The following PACRG variants were observed in gnomAD, a reference collection of about 807,000 sequenced individuals.
The protein encoded by PACRG is parkin coregulated gene protein.
Under a neutral mutation model 29.7 loss-of-function variants are expected in PACRG, and 29 were observed. That is an observed-to-expected ratio of 0.98 (90% CI 0.73 to 1.33). PACRG has a LOEUF of 1.33. Ranked by LOEUF, PACRG falls within the 40% of genes most tolerant of loss-of-function variation. The pLI is 0.00. For synonymous variants in PACRG, 116 were observed against 118.7 expected (o/e 0.98, Z 0.15); for missense variants, 279 against 316.2 (o/e 0.88, Z 0.89).
intron 4 of PACRG, among the ~76,000 whole-genome samples, chr6:163,111,782 A>G (rs928692516): frequency 1.3e-5 from 2 of 152,156 alleles, no homozygotes; most frequent in Non-Finnish European, 2.9e-5. Flanking sequence ...TTTTTATTCT[A>G]AGTATATTAA....
chr6:163,170,987 TCAAA>T (rs1217999544), intron 4 of PACRG: 28 of 152,336 alleles, frequency 1.8e-4, no homozygotes, highest in African/African-American at 6.7e-4. Context: ...AGCAAAACTC[TCAAA>T]CAGTTAGACT....
At chr6:162,972,355 A>G (rs939098059) in intron 2 of PACRG, among the ~76,000 whole-genome samples, 6 of 152,070 alleles carry the variant, frequency 3.9e-5, no homozygotes, top group Non-Finnish European at 5.9e-5. Flanking sequence ...AAGATTGCCT[A>G]CTTCAGTCAT....
At position 162,981,874 on chromosome 6, in the gene PACRG, G is replaced by A. The variant is rs140693969; in HGVS notation, c.292-80276G>A. Among the ~76,000 whole-genome samples, 357 of 147,766 alleles carry A rather than the reference G, an allele frequency of 2.4e-3. 2 individuals are homozygous for A. Among genetic ancestry groups the A allele is most frequent in the African/African-American group, 7.5e-3 (304 of 40,370 alleles). On this transcript the variant is annotated intron_variant, in intron 2 of 4. Transcript: ENST00000366888. ...GTAAGATTGGTACCAATTCTTTTTT[G>A]AATGTCAGCTGTGAATCCATCTGGT...
intron 2 of PACRG, among the ~76,000 whole-genome samples, chr6:162,856,317 C>T (rs1791391810): frequency 6.6e-6 from 1 of 152,154 alleles, no homozygotes; most frequent in Non-Finnish European, 1.5e-5. Flanking sequence ...CTTCGGCCTC[C>T]CAAAGTGCTG....
chr6:162,945,658 A>G (rs1362524369), intron 2 of PACRG, among the ~76,000 whole-genome samples: 1 of 152,164 alleles, frequency 6.6e-6, no homozygotes, highest in Non-Finnish European at 1.5e-5. Context: ...GACCTTTGGT[A>G]TTTATAGAAT....
chr6:162,975,908 A>G (rs1014625025), intron 2 of PACRG, among the ~76,000 whole-genome samples: 1 of 152,020 alleles, frequency 6.6e-6, no homozygotes, highest in African/African-American at 2.4e-5. Flanking sequence ...TGTAAATACA[A>G]AGATGAAAAG....
chr6:163,302,234 T>A (rs2128190369), intron 4 of PACRG, among the ~76,000 whole-genome samples: 1 of 150,124 alleles, frequency 6.7e-6, no homozygotes, highest in South Asian at 2.1e-4. Flanking sequence ...TCTCTCTCTC[T>A]CTTTTTTTTG....
rs942319597 is a variant in PACRG at position 162,814,057 on chromosome 6, C to T, written c.157-90C>T. ...TTATCTTCCAACATATTTATACAAA[C>T]TGAAATCTTTAAAAACAGAAAGTTC... On this transcript the variant is annotated intron_variant, in intron 1 of 4. Coordinates refer to ENST00000366888, the MANE Select transcript of PACRG (RefSeq NM_001080379.2). 442 of 1,355,628 alleles carry T rather than the reference C, an allele frequency of 3.3e-4. 1 individual carries two copies. The highest frequency in any genetic ancestry group is 6.3e-5 in the Non-Finnish European group (63 of 1,007,878). 84.0% of individuals were successfully genotyped at this position (1,355,628 alleles called of 1,614,324 possible). A position where few individuals can be genotyped will look rare whatever the true frequency, so the allele number is the denominator to read the frequency against.
rs746859009 is a variant in PACRG, at chr6:163,193,890, C to CTTTTTTTTTT, written c.613+104490_613+104499dup. Among the ~76,000 whole-genome samples the CTTTTTTTTTT allele has an allele frequency of 1.8e-4, 20 of 111,454 alleles. 1 individual carries two copies. The highest frequency in any genetic ancestry group is 6.8e-4 in the South Asian group (2 of 2,960). 73.1% of individuals were successfully genotyped at this position (111,454 alleles called of 152,430 possible). On this transcript the variant is annotated intron_variant, in intron 4 of 4. Transcript: ENST00000366888. ...ACTAGGAAACTGTTTCTTTTTGTTTCTTTTTTTTTTTTTTTTTCCTGAGAT... is the reference window on the plus strand; with the variant it reads ...ACTAGGAAACTGTTTCTTTTTGTTTCTTTTTTTTTTTTTTTTTTTTTTTTTTTCCTGAGAT...
intron 1 of PACRG, among the ~76,000 whole-genome samples, chr6:162,811,919 C>T (rs1407427445): frequency 6.6e-6 from 1 of 152,076 alleles, no homozygotes; most frequent in Non-Finnish European, 1.5e-5. Flanking sequence ...GATTTTGGAG[C>T]TTTTCAGATT....
intron 2 of PACRG, among the ~76,000 whole-genome samples, chr6:162,862,962 C>A (rs113741413): frequency 6.6e-6 from 1 of 152,192 alleles, no homozygotes; most frequent in Non-Finnish European, 1.5e-5. Flanking sequence ...CTCAGCAGGT[C>A]AGTGATTAAC....
At chr6:163,114,120 C>T (rs1035137976) in intron 4 of PACRG, among the ~76,000 whole-genome samples, 7 of 152,194 alleles carry the variant, frequency 4.6e-5, no homozygotes, top group African/African-American at 9.6e-5. Context: ...CATGGTGGTG[C>T]GCCCCTGTAA....
chr6:162,935,881 C>CT (rs1175762311), intron 2 of PACRG, among the ~76,000 whole-genome samples: 1 of 152,140 alleles, frequency 6.6e-6, no homozygotes, highest in Non-Finnish European at 1.5e-5. Flanking sequence ...AGTTCAAAGA[C>CT]TACTGGGAGC....
chr6:163,207,890 A>G (rs1780971448), intron 4 of PACRG, among the ~76,000 whole-genome samples: 1 of 152,238 alleles, frequency 6.6e-6, no homozygotes, highest in South Asian at 2.1e-4. Context: ...ACCAAGTGAG[A>G]TTGTGCCTGT....
At chr6:162,864,158 G>A (rs1374679573) in intron 2 of PACRG, among the ~76,000 whole-genome samples, 2 of 152,078 alleles carry the variant, frequency 1.3e-5, no homozygotes, top group African/African-American at 2.4e-5. Context: ...GAATTGTGTG[G>A]TGTGTTCCCT....
chr6:162,987,256 T>TG (rs1313977735), intron 2 of PACRG, among the ~76,000 whole-genome samples: 5 of 152,156 alleles, frequency 3.3e-5, no homozygotes, highest in Admixed American at 2.0e-4. Flanking sequence ...TGAGGCTTTC[T>TG]GAGAGCCAGA....
At chr6:162,880,245 A>C (rs1793720266) in intron 2 of PACRG, among the ~76,000 whole-genome samples, 1 of 152,222 alleles carries the variant, frequency 6.6e-6, no homozygotes, top group East Asian at 1.9e-4. Context: ...TATGGCAAAC[A>C]TTTATTTAAC....
At chr6:162,951,418 C>A (rs1297945440) in intron 2 of PACRG, among the ~76,000 whole-genome samples, 4 of 152,222 alleles carry the variant, frequency 2.6e-5, no homozygotes, top group African/African-American at 9.6e-5. Context: ...TGATTGGCCT[C>A]CAAGCCCCAA....
chr6:163,004,912 A>G (rs1168789150), intron 2 of PACRG, among the ~76,000 whole-genome samples: 1 of 151,980 alleles, frequency 6.6e-6, no homozygotes, highest in African/African-American at 2.4e-5. Flanking sequence ...TGCTCAAACT[A>G]CTTGCCTATC....
Sources: allele counts gnomAD v4.1 joint callset (sites outside exome capture counted in the v4.1 genomes callset), GRCh38; gene constraint gnomAD v4.1.1; transcripts MANE v1.5; gene names NCBI Gene and HGNC (gene_info 2026-07-23, HGNC 2026-07-21).